The following AFF3 variants were observed in gnomAD, a reference collection of about 807,000 sequenced individuals.
The protein encoded by AFF3 is AF4/FMR2 family member 3.
Under a neutral mutation model 129.7 loss-of-function variants are expected in AFF3, and 32 were observed. The ratio of observed to expected loss-of-function variants is 0.25; its 90% CI spans 0.19 to 0.33. AFF3 has a LOEUF of 0.33. Among genes scored for constraint, AFF3 ranks in the 10% least tolerant of loss-of-function variants. AFF3 has a pLI of 1.00. For synonymous variants in AFF3, 644 were observed against 635.4 expected, an observed-to-expected ratio of 1.01 and a Z score of -0.20; for missense variants, 1,373 against 1,592.0, an observed-to-expected ratio of 0.86 and a Z score of 2.34.
At chr2:99,569,785 T>A (rs1676310309) in intron 18 of AFF3, among the ~76,000 whole-genome samples, 1 of 152,194 alleles carries the variant, frequency 6.6e-6, no homozygotes, top group Admixed American at 6.5e-5. Flanking sequence ...GACCTATTCA[T>A]GAATATCAAA....
chr2:99,904,611 T>C (rs756430136), intron 7 of AFF3, among the ~76,000 whole-genome samples: 15 of 152,204 alleles, frequency 9.9e-5, no homozygotes, highest in Non-Finnish European at 1.6e-4. Flanking sequence ...AAGGGGGCTT[T>C]CTTTTTATTA....
intron 8 of AFF3, among the ~76,000 whole-genome samples, chr2:99,768,238 T>C (rs928457117): frequency 6.6e-6 from 1 of 151,826 alleles, no homozygotes; most frequent in Non-Finnish European, 1.5e-5. Context: ...AAGTTAAACA[T>C]TGCAAAAAAA....
intron 8 of AFF3, among the ~76,000 whole-genome samples, chr2:99,819,851 C>T (rs1019988986): frequency 6.6e-6 from 1 of 152,168 alleles, no homozygotes; most frequent in Non-Finnish European, 1.5e-5. Context: ...TTGGTTTCTC[C>T]TGACTCTCCA....
At chr2:100,049,920 T>C (rs1686148079) in intron 4 of AFF3, among the ~76,000 whole-genome samples, 1 of 152,138 alleles carries the variant, frequency 6.6e-6, no homozygotes, top group Admixed American at 6.5e-5. Flanking sequence ...CCCATTAAAA[T>C]GGCAGTTACT....
At chr2:100,096,458 A>C (rs1417852499) in intron 4 of AFF3, among the ~76,000 whole-genome samples, 1 of 152,028 alleles carries the variant, frequency 6.6e-6, no homozygotes, top group Non-Finnish European at 1.5e-5. Context: ...GCAACCGTCA[A>C]GCTTTATGGA....
chr2:100,142,112 G>A (rs1692910237), intron 1 of AFF3, among the ~76,000 whole-genome samples: 1 of 151,960 alleles, frequency 6.6e-6, no homozygotes, highest in Non-Finnish European at 1.5e-5. Flanking sequence ...AGCAACATGA[G>A]GTTAAGACAC....
chr2:99,608,725 ATT>A lies in AFF3; in HGVS notation c.1185-7106_1185-7105del, dbSNP rs1273913376. 2.0e-5 allele frequency among the ~76,000 whole-genome samples: 3 copies of A among 152,162 alleles called. No homozygotes were observed. In the East Asian group the frequency reaches 5.8e-4, roughly 29 times the overall value. ...CTGTACCTGGAAACAAGAGCTCATT[ATT>A]ACCAAATCTTTTGATTTTTTTTCAC... On this transcript the variant is annotated intron_variant, in intron 13 of 24. Coordinates refer to ENST00000672756, the MANE Select transcript of AFF3 (RefSeq NM_001386135.1).
intron 11 of AFF3, among the ~76,000 whole-genome samples, chr2:99,685,393 T>A (rs1472161427): frequency 6.6e-6 from 1 of 152,200 alleles, no homozygotes; most frequent in African/African-American, 2.4e-5. Flanking sequence ...CTGGGAGTTG[T>A]TCAACTCATG....
At chr2:100,057,586 C>G (rs764219421) in intron 4 of AFF3, among the ~76,000 whole-genome samples, 1 of 152,204 alleles carries the variant, frequency 6.6e-6, no homozygotes, top group African/African-American at 2.4e-5. Flanking sequence ...TCCACAGCAA[C>G]ATGGTATCTG....
At chr2:100,017,071 G>C (rs538026968) in intron 4 of AFF3, among the ~76,000 whole-genome samples, 1 of 152,128 alleles carries the variant, frequency 6.6e-6, no homozygotes, top group East Asian at 1.9e-4. Context: ...TGGTAATGGT[G>C]TTGGTGGTGG....
chr2:100,141,805 A>G (rs949585808), intron 1 of AFF3, among the ~76,000 whole-genome samples: 2 of 152,250 alleles, frequency 1.3e-5, no homozygotes, highest in South Asian at 4.1e-4. Flanking sequence ...ATATACACAC[A>G]TAAACACACA....
rs13416039 is a variant in AFF3 at position 99,799,121 on chromosome 2, G to A, written c.921+38356C>T. Reference sequence around the variant, plus strand: ...TTAAAGATAAATGCCATGTATACTAGTATCAAAAATAAAACATACTTAGGA... The same window carrying A: ...TTAAAGATAAATGCCATGTATACTAATATCAAAAATAAAACATACTTAGGA... On this transcript the variant is annotated intron_variant, in intron 8 of 24. Coordinates refer to ENST00000672756, the MANE Select transcript of AFF3 (RefSeq NM_001386135.1). Among the ~76,000 whole-genome samples, 431 of 151,940 alleles carry A rather than the reference G, an allele frequency of 2.8e-3. 1 individual carries two copies. Among genetic ancestry groups the A allele is most frequent in the African/African-American group, 1.0e-2 (413 of 41,494 alleles).
intron 8 of AFF3, among the ~76,000 whole-genome samples, chr2:99,754,219 G>T (rs924579009): frequency 6.6e-5 from 10 of 152,188 alleles, no homozygotes; most frequent in Admixed American, 5.9e-4. Context: ...CTTCTGTAGA[G>T]AAATTATTCA....
intron 1 of AFF3, among the ~76,000 whole-genome samples, chr2:100,140,364 T>C (rs1216183066): frequency 6.6e-6 from 1 of 152,252 alleles, no homozygotes; most frequent in Non-Finnish European, 1.5e-5. Context: ...TTCAGCTTTC[T>C]CTGTGACTTT....
At chr2:99,571,249 C>G (rs1449370399) in intron 18 of AFF3, among the ~76,000 whole-genome samples, 1 of 152,118 alleles carries the variant, frequency 6.6e-6, no homozygotes, top group African/African-American at 2.4e-5. Flanking sequence ...CTGAAATTCT[C>G]CACATCATTA....
chr2:99,997,262 C>T (rs1216656211), intron 7 of AFF3, among the ~76,000 whole-genome samples: 3 of 152,142 alleles, frequency 2.0e-5, no homozygotes, highest in Non-Finnish European at 4.4e-5. Context: ...AGTAAGTAAA[C>T]TCTTGCTCTT....
At chr2:99,733,012 T>C (rs1032020215) in intron 10 of AFF3, among the ~76,000 whole-genome samples, 3 of 152,206 alleles carry the variant, frequency 2.0e-5, no homozygotes, top group African/African-American at 4.8e-5. Context: ...TTCTTATTCA[T>C]AGAAACATTT....
intron 7 of AFF3, among the ~76,000 whole-genome samples, chr2:99,889,146 A>C (rs1389892559): frequency 6.6e-6 from 1 of 151,936 alleles, no homozygotes; most frequent in East Asian, 1.9e-4. Context: ...TTTAAATTTT[A>C]TAGATGTGGT....
chr2:99,793,675 T>G (rs1435153148), intron 8 of AFF3, among the ~76,000 whole-genome samples: 1 of 152,238 alleles, frequency 6.6e-6, no homozygotes, highest in African/African-American at 2.4e-5. Flanking sequence ...TTTCTGTTGT[T>G]TAGCCCACTT....
Sources: gnomAD v4.1 joint callset for allele counts (sites outside exome capture counted in the v4.1 genomes callset) on GRCh38, gnomAD v4.1.1 for gene constraint, MANE v1.5 for transcripts, NCBI Gene and HGNC (gene_info 2026-07-23, HGNC 2026-07-21) for gene names.